EPHA6: variants seen among roughly 807,000 people sequenced by gnomAD.
EPHA6 encodes the protein ephrin type-A receptor 6.
EPHA6 carries 50 observed loss-of-function variants against 112.0 expected under a neutral mutation model. The ratio of observed to expected loss-of-function variants is 0.45; its 90% CI spans 0.36 to 0.56. The LOEUF is 0.56. Ranked by LOEUF, EPHA6 falls within the 20% of genes least tolerant of loss-of-function variation. EPHA6 has a pLI of 0.00. For missense variants in EPHA6, 1,280 were observed against 1,417.4 expected (o/e 0.90, Z 1.56); for synonymous variants, 529 against 490.7 (o/e 1.08, Z -1.03).
intron 13 of EPHA6, among the ~76,000 whole-genome samples, chr3:97,616,754 C>T (rs953953651): frequency 6.6e-6 from 1 of 151,882 alleles, no homozygotes; most frequent in African/African-American, 2.4e-5. Flanking sequence ...AATGAATAAA[C>T]AAAACCTCCA....
intron 5 of EPHA6, among the ~76,000 whole-genome samples, chr3:97,323,632 T>C (rs2082226964): frequency 7.5e-6 from 1 of 133,590 alleles, no homozygotes; most frequent in South Asian, 2.1e-4. Context: ...GCTCTAGAAA[T>C]CTAACTATTT....
intron 5 of EPHA6, among the ~76,000 whole-genome samples, chr3:97,330,543 A>C (rs950600228): frequency 6.6e-6 from 1 of 152,106 alleles, no homozygotes; most frequent in Admixed American, 6.6e-5. Context: ...CATCCCTTGT[A>C]AGTTGGATTC....
At chr3:97,578,818 T>A (rs1263153213) in intron 11 of EPHA6, among the ~76,000 whole-genome samples, 1 of 152,222 alleles carries the variant, frequency 6.6e-6, no homozygotes, top group African/African-American at 2.4e-5. Flanking sequence ...TTCATTCAAC[T>A]GAATTTTTAT....
chr3:96,911,630 A>T (rs2032519335), intron 2 of EPHA6, among the ~76,000 whole-genome samples: 2 of 152,030 alleles, frequency 1.3e-5, no homozygotes, highest in African/African-American at 4.8e-5. Context: ...TGCTGGGCAA[A>T]TTCTTGTCTG....
intron 3 of EPHA6, among the ~76,000 whole-genome samples, chr3:97,148,337 G>A (rs1029856204): frequency 6.6e-6 from 1 of 151,996 alleles, no homozygotes; most frequent in Non-Finnish European, 1.5e-5. Context: ...GTTGGATGTG[G>A]TGGCATGCCC....
rs188197240 is a variant in EPHA6 at position 96,867,951 on chromosome 3, A to G, written c.450+1062A>G. 2.6e-4 allele frequency among the ~76,000 whole-genome samples: 39 copies of G among 151,852 alleles called. No individual in the cohort carries two copies. The East Asian group carries it at 6.8e-3, about 26-fold the overall frequency. Reference sequence around the variant, plus strand: ...TGTAAGTTTTATATACTGCGAGTTTATTTTTCTGAAATTTTTGTTTATTCT... The same window carrying G: ...TGTAAGTTTTATATACTGCGAGTTTGTTTTTCTGAAATTTTTGTTTATTCT... On this transcript the variant is annotated intron_variant, in intron 2 of 17. Coordinates refer to ENST00000389672, the MANE Select transcript of EPHA6 (RefSeq NM_001080448.3).
chr3:96,852,304 G>A (rs181883254), intron 1 of EPHA6, among the ~76,000 whole-genome samples: 36 of 152,068 alleles, frequency 2.4e-4, no homozygotes, highest in African/African-American at 8.7e-4. Context: ...GACTGGCCTG[G>A]CCAACATGGT....
rs1402426399 is a variant in EPHA6, at chr3:97,468,645, A to T, written c.1895-6707A>T. 2.6e-5 allele frequency among the ~76,000 whole-genome samples: 4 copies of T among 151,868 alleles called. No homozygotes were observed. In the East Asian group the frequency reaches 7.7e-4, roughly 29 times the overall value. On this transcript the variant is annotated intron_variant, in intron 7 of 17. Transcript: ENST00000389672. ...ATTTTCTATTAATTTACCTCTGTACATACTGATTTACAAAATACAAATATG... is the reference window on the plus strand; with the variant it reads ...ATTTTCTATTAATTTACCTCTGTACTTACTGATTTACAAAATACAAATATG...
At chr3:97,514,385 C>T (rs996700630) in intron 10 of EPHA6, among the ~76,000 whole-genome samples, 50 of 152,114 alleles carry the variant, frequency 3.3e-4, no homozygotes, top group Non-Finnish European at 6.2e-4. Flanking sequence ...CTTGTGAGTA[C>T]GCTGAACCTA....
chr3:97,032,561 A>G (rs533333632), intron 3 of EPHA6, among the ~76,000 whole-genome samples: 7 of 152,152 alleles, frequency 4.6e-5, no homozygotes, highest in East Asian at 3.9e-4. Flanking sequence ...GAAGGTCACA[A>G]TTCCTATTTT....
chr3:97,397,060 C>A (rs914371531), intron 5 of EPHA6, among the ~76,000 whole-genome samples: 1 of 151,592 alleles, frequency 6.6e-6, no homozygotes, highest in South Asian at 2.1e-4. Context: ...TCTTGAAGGT[C>A]AAAGCTAAGA....
intron 3 of EPHA6, among the ~76,000 whole-genome samples, chr3:97,098,688 G>T (rs1348604291): frequency 6.6e-6 from 1 of 151,812 alleles, no homozygotes; most frequent in African/African-American, 2.4e-5. Flanking sequence ...GTGGAAAAAG[G>T]TAACACTTTT....
chr3:97,206,328 C>A (rs1279856809), intron 3 of EPHA6, among the ~76,000 whole-genome samples: 1 of 151,998 alleles, frequency 6.6e-6, no homozygotes, highest in Non-Finnish European at 1.5e-5. Context: ...AACTCTTTAT[C>A]CTTAGTTCAA....
chr3:97,311,414 G>A (rs1251779947), intron 5 of EPHA6, among the ~76,000 whole-genome samples: 1 of 149,486 alleles, frequency 6.7e-6, no homozygotes, highest in Non-Finnish European at 1.5e-5. Flanking sequence ...CTTGCACTCT[G>A]AACCAAATCA....
At chr3:97,628,384 A>G (rs1334700450) in intron 13 of EPHA6, among the ~76,000 whole-genome samples, 1 of 152,032 alleles carries the variant, frequency 6.6e-6, no homozygotes, top group African/African-American at 2.4e-5. Flanking sequence ...ACAGTATTAA[A>G]TGGCTAATAT....
intron 14 of EPHA6, among the ~76,000 whole-genome samples, chr3:97,679,585 T>A (rs1414231045): frequency 6.6e-6 from 1 of 152,172 alleles, no homozygotes; most frequent in African/African-American, 2.4e-5. Flanking sequence ...AGATGTTTAA[T>A]TCAGTCCCTA....
At chr3:97,403,671 C>A (rs1322762073) in intron 5 of EPHA6, among the ~76,000 whole-genome samples, 1 of 152,206 alleles carries the variant, frequency 6.6e-6, no homozygotes, top group East Asian at 1.9e-4. Context: ...TGGTCTAGAT[C>A]TCCTGACCTC....
chr3:96,937,772 A>G (rs61531414), intron 2 of EPHA6, among the ~76,000 whole-genome samples: 2,431 of 152,144 alleles, frequency 0.016, 64 homozygotes, highest in African/African-American at 0.049. Context: ...TCCATCTTGA[A>G]TTAATTTTTG....
intron 6 of EPHA6, among the ~76,000 whole-genome samples, chr3:97,447,514 C>T (rs146761587): frequency 6.6e-6 from 1 of 152,196 alleles, no homozygotes; most frequent in Non-Finnish European, 1.5e-5. Context: ...CTTTTGTTTA[C>T]ACAAATGCAT....
Sources: gnomAD v4.1 joint callset for allele counts (sites outside exome capture counted in the v4.1 genomes callset) on GRCh38, gnomAD v4.1.1 for gene constraint, MANE v1.5 for transcripts, NCBI Gene and HGNC (gene_info 2026-07-23, HGNC 2026-07-21) for gene names.